The following ATXN1 variants were observed in gnomAD, a reference collection of about 807,000 sequenced individuals.
ATXN1 encodes ataxin-1.
ATXN1 carries 8 observed loss-of-function variants against 56.4 expected under a neutral mutation model. The observed-to-expected ratio is 0.14, with a 90% CI of 0.08 to 0.26. The LOEUF is 0.26. ATXN1 is among the 10% of genes least tolerant of loss of function. The probability of loss-of-function intolerance (pLI) is 1.00; values close to 1 mark genes in which losing one functional copy is unlikely to be tolerated. For missense variants in ATXN1, 987 were observed against 1,106.5 expected (o/e 0.89, Z 1.53); for synonymous variants, 514 against 494.6 (o/e 1.04, Z -0.52).
intron 6 of ATXN1, among the ~76,000 whole-genome samples, chr6:16,337,132 C>T (rs1268693593): frequency 6.6e-6 from 1 of 152,198 alleles, no homozygotes; most frequent in Non-Finnish European, 1.5e-5. Context: ...AAGTTGCTGT[C>T]TCCCTTATCC....
At chr6:16,702,523 G>A (rs1296477135) in intron 2 of ATXN1, among the ~76,000 whole-genome samples, 1 of 152,172 alleles carries the variant, frequency 6.6e-6, no homozygotes, top group Admixed American at 6.5e-5. Flanking sequence ...CACAGCCAAA[G>A]AAACTACCAT....
chr6:16,754,816 TCCCTC>T (rs1249481213), intron 1 of ATXN1: 2 of 152,180 alleles, frequency 1.3e-5, no homozygotes, highest in Non-Finnish European at 2.9e-5. Flanking sequence ...GAAGGCACAG[TCCCTC>T]CACCAAGAAG....
chr6:16,640,647 C>T (rs1763691839), intron 3 of ATXN1, among the ~76,000 whole-genome samples: 2 of 150,882 alleles, frequency 1.3e-5, no homozygotes, highest in Admixed American at 6.6e-5. Context: ...CGTGCCACTG[C>T]ACTCAAGCCT....
chr6:16,472,275 T>C (rs1760235441), intron 6 of ATXN1, among the ~76,000 whole-genome samples: 1 of 152,216 alleles, frequency 6.6e-6, no homozygotes, highest in Non-Finnish European at 1.5e-5. Flanking sequence ...ATGTATTGTT[T>C]CAATATTTTA....
At chr6:16,677,728 T>G (rs915218792) in intron 2 of ATXN1, among the ~76,000 whole-genome samples, 3 of 152,238 alleles carry the variant, frequency 2.0e-5, no homozygotes, top group Non-Finnish European at 4.4e-5. Flanking sequence ...CAGCTAAATG[T>G]TCACCTATGT....
intron 2 of ATXN1, among the ~76,000 whole-genome samples, chr6:16,714,355 A>C (rs1318635759): frequency 6.6e-6 from 1 of 152,062 alleles, no homozygotes; most frequent in African/African-American, 2.4e-5. Flanking sequence ...CACAGCTGGG[A>C]GGCACCCACC....
At chr6:16,333,188 A>G (rs1176094767) in intron 6 of ATXN1, among the ~76,000 whole-genome samples, 9 of 152,214 alleles carry the variant, frequency 5.9e-5, no homozygotes. Context: ...CAAATAACAA[A>G]TGCTGCTTTT....
intron 6 of ATXN1, among the ~76,000 whole-genome samples, chr6:16,429,814 T>C (rs1401960369): frequency 6.6e-6 from 1 of 152,174 alleles, no homozygotes; most frequent in African/African-American, 2.4e-5. Context: ...CACCTCCCTC[T>C]TGACAAACGG....
rs147436482 is a variant in ATXN1, at chr6:16,723,248, C to A, written c.-615+29985G>T. 3.0e-3 allele frequency among the ~76,000 whole-genome samples: 453 copies of A among 152,264 alleles called. 2 individuals are homozygous for A. Among genetic ancestry groups the A allele is most frequent in the Non-Finnish European group, 5.2e-3 (355 of 68,014 alleles). ...GAGATAGAGTAACATACTATATTAT[C>A]ATTTTTCCTACTTTTAAGTTTCCAG... On this transcript the variant is annotated intron_variant, in intron 2 of 7. Coordinates refer to ENST00000436367, the MANE Select transcript of ATXN1 (RefSeq NM_001128164.2).
chr6:16,579,911 T>C (rs1018434333), intron 4 of ATXN1, among the ~76,000 whole-genome samples: 4 of 151,978 alleles, frequency 2.6e-5, no homozygotes, highest in African/African-American at 7.3e-5. Context: ...CAGCATATAA[T>C]TGCCAACTCA....
At chr6:16,741,539 C>A (rs1487102763) in intron 2 of ATXN1, among the ~76,000 whole-genome samples, 1 of 152,114 alleles carries the variant, frequency 6.6e-6, no homozygotes, top group African/African-American at 2.4e-5. Flanking sequence ...TTAAGTGCAC[C>A]CTTCAGAGAC....
chr6:16,456,594 A>G (rs959171779), intron 6 of ATXN1, among the ~76,000 whole-genome samples: 1 of 152,234 alleles, frequency 6.6e-6, no homozygotes, highest in Non-Finnish European at 1.5e-5. Context: ...AGCCATGAGC[A>G]GAACTCTCAA....
intron 6 of ATXN1, among the ~76,000 whole-genome samples, chr6:16,369,963 G>A (rs943387213): frequency 4.6e-5 from 7 of 152,130 alleles, no homozygotes; most frequent in South Asian, 2.1e-4. Context: ...CAACCTGGAC[G>A]TGCCTGGTGC....
intron 2 of ATXN1, among the ~76,000 whole-genome samples, chr6:16,693,654 G>A (rs1372906026): frequency 6.6e-6 from 1 of 152,050 alleles, no homozygotes; most frequent in Non-Finnish European, 1.5e-5. Flanking sequence ...CACACCCACC[G>A]TGAGAACATA....
chr6:16,520,121 T>A (rs1281290783), intron 5 of ATXN1, among the ~76,000 whole-genome samples: 1 of 152,190 alleles, frequency 6.6e-6, no homozygotes, highest in Non-Finnish European at 1.5e-5. Context: ...AGCATTTCCC[T>A]GGATTTCCCT....
At chr6:16,477,409 C>A (rs1338284278) in intron 6 of ATXN1, among the ~76,000 whole-genome samples, 1 of 152,192 alleles carries the variant, frequency 6.6e-6, no homozygotes, top group Admixed American at 6.5e-5. Flanking sequence ...TCATTTAGTG[C>A]CAATTCAATG....
chr6:16,531,642 A>G (rs1761506550), intron 4 of ATXN1, among the ~76,000 whole-genome samples: 1 of 148,708 alleles, frequency 6.7e-6, no homozygotes, highest in Non-Finnish European at 1.5e-5. Flanking sequence ...AAAAAAAAAA[A>G]GTGCTACCCA....
At chr6:16,619,415 A>C (rs1405075946) in intron 3 of ATXN1, among the ~76,000 whole-genome samples, 1 of 152,196 alleles carries the variant, frequency 6.6e-6, no homozygotes, top group African/African-American at 2.4e-5. Flanking sequence ...TATGGATGGA[A>C]ATTACAGTAT....
intron 2 of ATXN1, among the ~76,000 whole-genome samples, chr6:16,677,263 TTACG>T (rs1758707013): frequency 6.6e-6 from 1 of 152,130 alleles, no homozygotes. Flanking sequence ...CAGGCATTAA[TTACG>T]TGTGCTCTGG....
Sources: allele counts gnomAD v4.1 joint callset (sites outside exome capture counted in the v4.1 genomes callset), GRCh38; gene constraint gnomAD v4.1.1; transcripts MANE v1.5; gene names NCBI Gene and HGNC (gene_info 2026-07-23, HGNC 2026-07-21).